Variants in RARB observed in about 807,000 individuals in gnomAD.
The protein encoded by RARB is retinoic acid receptor beta.
In RARB, 17 loss-of-function variants were observed where a neutral mutation model predicts 51.9. The ratio of observed to expected loss-of-function variants is 0.33; its 90% CI spans 0.22 to 0.49. RARB has a LOEUF of 0.49. Among genes scored for constraint, RARB ranks in the 20% least tolerant of loss-of-function variants. The pLI is 0.99. For synonymous variants in RARB, 215 were observed against 195.4 expected, an observed-to-expected ratio of 1.10 and a Z score of -0.84; for missense variants, 369 against 550.8, an observed-to-expected ratio of 0.67 and a Z score of 3.30.
At chr3:25,349,388 TC>T (rs895644456) in intron 5 of RARB, among the ~76,000 whole-genome samples, 15 of 152,308 alleles carry the variant, frequency 9.8e-5, no homozygotes, top group African/African-American at 2.9e-4. Context: ...TGTCAGAAAT[TC>T]CAGGGTGGGT....
At chr3:25,285,090 A>C (rs989736571) in intron 5 of RARB, among the ~76,000 whole-genome samples, 1 of 152,170 alleles carries the variant, frequency 6.6e-6, no homozygotes, top group African/African-American at 2.4e-5. Flanking sequence ...GGGAGCCCTC[A>C]TGGGGCTTCC....
chr3:25,527,870 C>T (rs1698722830), intron 3 of RARB, among the ~76,000 whole-genome samples: 1 of 152,006 alleles, frequency 6.6e-6, no homozygotes, highest in Non-Finnish European at 1.5e-5. Context: ...CCCTCCCCTT[C>T]GCCCCCCACA....
Position 25,563,070 on chromosome 3 carries a change from C to CAA in RARB, c.449-6687_449-6686dup, listed in dbSNP as rs1016411492. Reference sequence around the variant, plus strand: ...ATGCTGTGTCCAGACTAATTTCCCCCAAGACTTCAATATTCTGTAAAAATT... The same window carrying CAA: ...ATGCTGTGTCCAGACTAATTTCCCCCAAAAGACTTCAATATTCTGTAAAAATT... On this transcript the variant is annotated intron_variant, in intron 3 of 7. Transcript: ENST00000330688. Among the ~76,000 whole-genome samples the CAA allele has an allele frequency of 9.8e-5, 15 of 152,308 alleles. No homozygotes were observed. In the South Asian group the frequency reaches 1.5e-3, roughly 15 times the overall value.
intron 5 of RARB, among the ~76,000 whole-genome samples, chr3:25,194,236 C>T (rs1181484972): frequency 2.1e-5 from 1 of 48,228 alleles, no homozygotes; most frequent in African/African-American, 8.0e-5. Flanking sequence ...ATGGTGGTTA[C>T]CAGGGTAGGA....
At chr3:25,177,915 G>C (rs1700788191) in intron 5 of RARB, among the ~76,000 whole-genome samples, 1 of 152,106 alleles carries the variant, frequency 6.6e-6, no homozygotes, top group Non-Finnish European at 1.5e-5. Flanking sequence ...TGAAGTCGAA[G>C]TCTAAATTAG....
At chr3:25,457,126 C>T (rs953345477) in intron 1 of RARB, among the ~76,000 whole-genome samples, 5 of 152,010 alleles carry the variant, frequency 3.3e-5, no homozygotes, top group Non-Finnish European at 7.4e-5. Flanking sequence ...TTCCTAGCTC[C>T]ATTCTCAGAC....
intron 2 of RARB, among the ~76,000 whole-genome samples, chr3:25,499,079 ATAGTTG>A (rs1559435878): frequency 6.6e-6 from 1 of 152,206 alleles, no homozygotes; most frequent in East Asian, 1.9e-4. Context: ...CCAGGCACTT[ATAGTTG>A]AACCATGCCA....
intron 2 of RARB, among the ~76,000 whole-genome samples, chr3:24,966,361 A>G (rs948282695): frequency 1.3e-5 from 2 of 152,136 alleles, no homozygotes; most frequent in Non-Finnish European, 2.9e-5. Context: ...CAAATGAAAG[A>G]AGGAGGTGAG....
chr3:24,941,204 G>GA, intron 2 of RARB, among the ~76,000 whole-genome samples: 1 of 149,770 alleles, frequency 6.7e-6, no homozygotes, highest in Non-Finnish European at 1.5e-5. Flanking sequence ...ATCAGAATCA[G>GA]AAAACTATAG....
intron 3 of RARB, among the ~76,000 whole-genome samples, chr3:25,502,702 GTAGAA>G (rs1427528670): frequency 1.3e-5 from 2 of 152,152 alleles, no homozygotes; most frequent in Non-Finnish European, 2.9e-5. Context: ...AGACTCGTGC[GTAGAA>G]TATCAGGACA....
intron 3 of RARB, among the ~76,000 whole-genome samples, chr3:25,529,812 C>T (rs781541593): frequency 7.2e-5 from 11 of 152,006 alleles, no homozygotes; most frequent in African/African-American, 2.4e-4. Flanking sequence ...AAGTATATGG[C>T]GGACACACAG....
chr3:25,593,457 A>G (rs1195272125), intron 5 of RARB, 46 bp from the exon 6 acceptor site: 2 of 1,533,616 alleles, frequency 1.3e-6, no homozygotes, highest in African/African-American at 1.4e-5. Flanking sequence ...TGATGATTTC[A>G]GGACAGGATG....
chr3:25,208,676 A>C (rs76304244), intron 5 of RARB, among the ~76,000 whole-genome samples: 1,916 of 152,132 alleles, frequency 0.013, 42 homozygotes, highest in African/African-American at 0.043. Context: ...TGACCTGACA[A>C]TGCTGTCTCC....
chr3:25,095,528 A>T (rs1218158127), intron 3 of RARB, among the ~76,000 whole-genome samples: 1 of 152,202 alleles, frequency 6.6e-6, no homozygotes, highest in Non-Finnish European at 1.5e-5. Context: ...CAGGTTTATG[A>T]TGTGGAACAT....
At chr3:25,526,680 A>C (rs1698665464) in intron 3 of RARB, among the ~76,000 whole-genome samples, 1 of 152,182 alleles carries the variant, frequency 6.6e-6, no homozygotes, top group Non-Finnish European at 1.5e-5. Flanking sequence ...GGATGGCTGG[A>C]TGGATGGATG....
At chr3:25,120,925 C>T (rs554386798) in intron 3 of RARB, among the ~76,000 whole-genome samples, 38 of 152,218 alleles carry the variant, frequency 2.5e-4, no homozygotes, top group Non-Finnish European at 4.4e-4. Context: ...ACTGAGTAGT[C>T]GCTACAGAGA....
chr3:25,247,651 C>T (rs1467328079), intron 5 of RARB, among the ~76,000 whole-genome samples: 2 of 152,218 alleles, frequency 1.3e-5, no homozygotes, highest in Non-Finnish European at 2.9e-5. Flanking sequence ...TGGGCTGCAC[C>T]CACTGTCTAA....
intron 2 of RARB, among the ~76,000 whole-genome samples, chr3:24,908,718 G>C (rs918607189): frequency 8.3e-6 from 1 of 119,938 alleles, no homozygotes; most frequent in Non-Finnish European, 1.6e-5. Context: ...ACATCATACA[G>C]AAGGTCTAGG....
In RARB at chr3:25,200,761, G is replaced by A. The variant is rs576545296; in HGVS notation, c.178+26186G>A. 2.5e-3 allele frequency among the ~76,000 whole-genome samples: 377 copies of A among 152,100 alleles called. 3 individuals carry two copies. The highest frequency in any genetic ancestry group is 8.8e-3 in the African/African-American group (363 of 41,470). On this transcript the variant is annotated intron_variant, in intron 5 of 11. Coordinates refer to the RARB transcript ENST00000383772. ...AAGATCAGATAGTTGTAGATATGTG[G>A]CATTATTTCTGAGGGCTCTGTTCTG...
Sources: allele counts gnomAD v4.1 joint callset (sites outside exome capture counted in the v4.1 genomes callset), GRCh38; gene constraint gnomAD v4.1.1; transcripts MANE v1.5; gene names NCBI Gene and HGNC (gene_info 2026-07-23, HGNC 2026-07-21).